Variants in IGF2BP2 observed in about 807,000 individuals in gnomAD.
The protein encoded by IGF2BP2 is insulin like growth factor 2 mRNA binding protein 2.
In IGF2BP2, 17 loss-of-function variants were observed where a neutral mutation model predicts 75.8. The ratio of observed to expected loss-of-function variants is 0.22; its 90% CI spans 0.15 to 0.34. The LOEUF (loss-of-function observed/expected upper bound fraction) is 0.34. IGF2BP2 is among the 10% of genes least tolerant of loss of function. The pLI is 1.00. For missense variants in IGF2BP2, 516 were observed against 772.4 expected (o/e 0.67, Z 3.93); for synonymous variants, 288 against 295.6 (o/e 0.97, Z 0.26).
At chr3:185,782,075 G>T (rs1421027013) in intron 2 of IGF2BP2, among the ~76,000 whole-genome samples, 1 of 152,020 alleles carries the variant, frequency 6.6e-6, no homozygotes, top group Non-Finnish European at 1.5e-5. Context: ...ATATGTACTG[G>T]TTCTGAGATC....
At chr3:185,783,701 C>T (rs1021811775) in intron 2 of IGF2BP2, among the ~76,000 whole-genome samples, 1 of 152,100 alleles carries the variant, frequency 6.6e-6, no homozygotes, top group Admixed American at 6.5e-5. Flanking sequence ...GTAAATCTTC[C>T]CAGGGATTCA....
Position 185,771,220 on chromosome 3 carries a change from A to C in IGF2BP2, c.239+51933T>G, listed in dbSNP as rs564326746. Among the ~76,000 whole-genome samples the C allele has an allele frequency of 2.0e-5, 3 of 152,278 alleles. No homozygotes were observed. The East Asian group carries it at 5.8e-4, about 29-fold the overall frequency. The stretch of plus-strand genomic sequence containing the variant: ...TTTGGGAGGGCGAGTTGGGCCGATC[A>C]CTTGAGGCCAGGAGTTCGAGACCAG... On this transcript the variant is annotated intron_variant, in intron 2 of 15. Transcript: ENST00000382199.
intron 2 of IGF2BP2, among the ~76,000 whole-genome samples, chr3:185,765,301 T>C (rs1490813402): frequency 6.6e-6 from 1 of 152,138 alleles, no homozygotes; most frequent in East Asian, 1.9e-4. Flanking sequence ...CAAAATTAAA[T>C]ATAGTTTCTT....
intron 2 of IGF2BP2, among the ~76,000 whole-genome samples, chr3:185,784,267 T>TAGATAGATAGACAGACAGAC (rs144352498): frequency 5.3e-5 from 8 of 151,616 alleles, no homozygotes; most frequent in African/African-American, 1.9e-4. Context: ...GATAGATAGA[T>TAGATAGATAGACAGACAGAC]AGACAGACAG....
chr3:185,686,843 G>A (rs1292325354), intron 7 of IGF2BP2, among the ~76,000 whole-genome samples: 3 of 151,942 alleles, frequency 2.0e-5, no homozygotes, highest in Non-Finnish European at 4.4e-5. Context: ...AAATCACCGA[G>A]AGACATGCAA....
rs1464562461 is a variant in IGF2BP2 at position 185,644,800 on chromosome 3, TTTCCTC to T, written c.*725_*730del. On this transcript the variant is annotated 3_prime_UTR_variant, in exon 16 of 16. Transcript: ENST00000382199. Reference sequence around the variant, plus strand: ...TAGACAGGCATGAGGAGTGACAGAGTTTCCTCTTCAAGGAGACGGTATCCCTTCTGT... The same window carrying T: ...TAGACAGGCATGAGGAGTGACAGAGTTTCAAGGAGACGGTATCCCTTCTGT... 6.6e-6 allele frequency: 1 copy of T among 151,958 alleles called. No individual in the cohort carries two copies. The highest frequency in any genetic ancestry group is 1.9e-4 in the East Asian group (1 of 5,160). The allele number at this position is 151,958 out of a possible 1,614,324, so 9.4% of individuals were successfully genotyped here. A position where few individuals can be genotyped will look rare whatever the true frequency, so the allele number is the denominator to read the frequency against.
chr3:185,716,283 A>G (rs1176779517), intron 2 of IGF2BP2, among the ~76,000 whole-genome samples: 1 of 152,126 alleles, frequency 6.6e-6, no homozygotes, highest in Non-Finnish European at 1.5e-5. Flanking sequence ...TGCCCAGCAT[A>G]TTTTTGGAAT....
intron 10 of IGF2BP2, among the ~76,000 whole-genome samples, chr3:185,665,374 AAGGAGG>A (rs1246928288): frequency 8.8e-5 from 5 of 57,090 alleles, no homozygotes; most frequent in Non-Finnish European, 1.8e-4. Flanking sequence ...GGAGGAGGAG[AAGGAGG>A]AGGAGGAGAA....
chr3:185,791,072 A>G (rs1273336342), intron 2 of IGF2BP2, among the ~76,000 whole-genome samples: 6 of 152,236 alleles, frequency 3.9e-5, no homozygotes, highest in Non-Finnish European at 7.3e-5. Flanking sequence ...CTAGATGACA[A>G]TTGACCCCAG....
chr3:185,688,476 G>A (rs918424644), intron 6 of IGF2BP2, among the ~76,000 whole-genome samples: 4 of 152,190 alleles, frequency 2.6e-5, no homozygotes, highest in Admixed American at 1.3e-4. Flanking sequence ...CAGAGTAGCT[G>A]GGATTACAGG....
intron 2 of IGF2BP2, among the ~76,000 whole-genome samples, chr3:185,795,047 A>C (rs531585303): frequency 3.0e-4 from 45 of 151,982 alleles, no homozygotes; most frequent in Non-Finnish European, 5.9e-4. Flanking sequence ...ACAGGCGCCC[A>C]CCACCTCGCC....
chr3:185,689,140 C>T, intron 6 of IGF2BP2: 1 of 570,948 alleles, frequency 1.8e-6, no homozygotes, highest in African/African-American at 1.9e-5. Flanking sequence ...TTATCAGTAC[C>T]CTCTTTATGA....
intron 2 of IGF2BP2, among the ~76,000 whole-genome samples, chr3:185,795,028 G>T (rs1737171404): frequency 6.6e-6 from 1 of 151,784 alleles, no homozygotes; most frequent in African/African-American, 2.4e-5. Context: ...CTCCTGACTT[G>T]CTGGAACTAC....
At chr3:185,747,673 C>T (rs1180212866) in intron 2 of IGF2BP2, among the ~76,000 whole-genome samples, 2 of 151,510 alleles carry the variant, frequency 1.3e-5, no homozygotes, top group Non-Finnish European at 2.9e-5. Flanking sequence ...AGCAAGAGTC[C>T]GTCTCAAAAA....
At chr3:185,811,877 T>TCTCTCTCTCTCTCTCTCTCC (rs1553897483) in intron 2 of IGF2BP2, among the ~76,000 whole-genome samples, 1 of 48,032 alleles carries the variant, frequency 2.1e-5, no homozygotes, top group Non-Finnish European at 3.4e-5. Context: ...TCTCTCTCTC[T>TCTCTCTCTCTCTCTCTCTCC]CCCCCTCTCC....
intron 10 of IGF2BP2, among the ~76,000 whole-genome samples, chr3:185,664,052 TTC>T (rs1716900887): frequency 6.6e-6 from 1 of 151,830 alleles, no homozygotes; most frequent in Non-Finnish European, 1.5e-5. Flanking sequence ...GGCCGGAGGG[TTC>T]AGTGTTGTGG....
chr3:185,821,046 C>T, intron 2 of IGF2BP2: 1 of 1,535,518 alleles, frequency 6.5e-7, no homozygotes, highest in South Asian at 1.2e-5. Context: ...TGGTAGTGTC[C>T]AGGACATGAG....
intron 2 of IGF2BP2, among the ~76,000 whole-genome samples, chr3:185,803,555 T>C (rs972734090): frequency 6.6e-6 from 1 of 152,232 alleles, no homozygotes; most frequent in African/African-American, 2.4e-5. Flanking sequence ...CGTTTTTGAA[T>C]GGATGGATTT....
chr3:185,822,263 A>G (rs1044746671), intron 2 of IGF2BP2, among the ~76,000 whole-genome samples: 1 of 152,248 alleles, frequency 6.6e-6, no homozygotes, highest in Non-Finnish European at 1.5e-5. Context: ...TTCATTGAAC[A>G]GCTCCAGTCC....
Sources: gnomAD v4.1 joint callset for allele counts (sites outside exome capture counted in the v4.1 genomes callset) on GRCh38, gnomAD v4.1.1 for gene constraint, MANE v1.5 for transcripts, NCBI Gene and HGNC (gene_info 2026-07-23, HGNC 2026-07-21) for gene names.